The following ABCC5 variants were observed in gnomAD, a reference collection of about 807,000 sequenced individuals.
The protein encoded by ABCC5 is ATP binding cassette subfamily C member 5.
In ABCC5, 61 loss-of-function variants were observed where a neutral mutation model predicts 160.9. The observed-to-expected ratio is 0.38, with a 90% confidence interval of 0.31 to 0.47. The LOEUF (loss-of-function observed/expected upper bound fraction) is 0.47, where lower values mean the gene tolerates loss of function less well. Ranked by LOEUF, ABCC5 falls within the 20% of genes least tolerant of loss-of-function variation. The pLI is 0.99. For synonymous variants in ABCC5, 666 were observed against 700.6 expected, an observed-to-expected ratio of 0.95 and a Z score of 0.78; for missense variants, 1,308 against 1,813.3, an observed-to-expected ratio of 0.72 and a Z score of 5.06.
intron 8 of ABCC5, 78 bp from the exon 9 acceptor site, chr3:183,978,729 ACT>A: frequency 6.6e-7 from 1 of 1,513,116 alleles, no homozygotes; most frequent in Non-Finnish European, 8.9e-7. Flanking sequence ...TCCAAACAAG[ACT>A]CTGTAGGTCT....
At chr3:183,934,336 T>A (rs1713477918) in intron 26 of ABCC5, among the ~76,000 whole-genome samples, 2 of 152,144 alleles carry the variant, frequency 1.3e-5, no homozygotes. Context: ...CTGGGATCCG[T>A]AACAAACCTG....
chr3:183,993,156 G>C (rs1719928283), intron 2 of ABCC5, among the ~76,000 whole-genome samples: 1 of 152,160 alleles, frequency 6.6e-6, no homozygotes, highest in Non-Finnish European at 1.5e-5. Context: ...TTTGCAATGA[G>C]AGTCTACAAT....
intron 2 of ABCC5, among the ~76,000 whole-genome samples, chr3:184,004,121 A>C (rs1720972692): frequency 6.6e-6 from 1 of 151,936 alleles, no homozygotes; most frequent in Admixed American, 6.6e-5. Flanking sequence ...TTTAACATTC[A>C]GCCTGGCCTG....
intron 11 of ABCC5, 68 bp downstream of exon 11, chr3:183,971,495 G>A (rs963455324): frequency 2.1e-5 from 30 of 1,419,312 alleles, no homozygotes; most frequent in African/African-American, 7.2e-5. Flanking sequence ...AACAGCAGCC[G>A]CCTATTGGTG....
At chr3:183,950,266 T>G in intron 20 of ABCC5, 141 bp from the exon 21 acceptor site, 2 of 1,019,072 alleles carry the variant, frequency 2.0e-6, no homozygotes, top group Non-Finnish European at 2.7e-6. Context: ...AAAGAAAAAT[T>G]TAGAAACCTG....
intron 17 of ABCC5, among the ~76,000 whole-genome samples, chr3:183,958,698 A>G (rs544381356): frequency 8.6e-5 from 13 of 151,182 alleles, no homozygotes; most frequent in Admixed American, 4.6e-4. Flanking sequence ...CCCAGGCTGG[A>G]GCGCAGTGGC....
At chr3:183,929,607 G>C (rs1216973985) in intron 26 of ABCC5, among the ~76,000 whole-genome samples, 1 of 152,116 alleles carries the variant, frequency 6.6e-6, no homozygotes, top group African/African-American at 2.4e-5. Context: ...AGAGGAAGAA[G>C]GAGAGAAAGA....
chr3:183,994,263 T>C (rs956440443), intron 2 of ABCC5, among the ~76,000 whole-genome samples: 1 of 152,234 alleles, frequency 6.6e-6, no homozygotes, highest in African/African-American at 2.4e-5. Context: ...TTATTTATGA[T>C]TCAAATATTA....
rs960419786 is a variant in ABCC5 at position 183,920,868 on chromosome 3, T to C, written c.*432A>G. 8.5e-5 allele frequency: 13 copies of C among 152,940 alleles called. No individual in the cohort carries two copies. The highest frequency in any genetic ancestry group is 2.9e-4 in the African/African-American group (12 of 41,570). The allele number at this position is 152,940 out of a possible 1,614,324, so 9.5% of individuals were successfully genotyped here. Reference sequence around the variant, plus strand: ...CAGTCTAATAGCAAAACCAGATCTCTAGTACAGCAAACTGTACAAAAATGA... The same window carrying C: ...CAGTCTAATAGCAAAACCAGATCTCCAGTACAGCAAACTGTACAAAAATGA... On this transcript the variant is annotated 3_prime_UTR_variant, in exon 30 of 30. Transcript: ENST00000334444. This position sits in a 1 kb window ranked among gnomAD's most constrained non-coding sequence, Gnocchi z 4.1.
chr3:183,934,350 G>A (rs948262950), intron 26 of ABCC5, among the ~76,000 whole-genome samples: 2 of 152,178 alleles, frequency 1.3e-5, no homozygotes, highest in East Asian at 1.9e-4. Flanking sequence ...AAACCTGAGA[G>A]GATAAAAGGA....
At chr3:183,968,483 A>G (rs1717432543) in intron 11 of ABCC5, among the ~76,000 whole-genome samples, 2 of 152,176 alleles carry the variant, frequency 1.3e-5, no homozygotes, top group African/African-American at 4.8e-5. Flanking sequence ...TCATTTTATT[A>G]TGATTTTTCT....
At chr3:183,997,556 A>G (rs192965232) in intron 2 of ABCC5, among the ~76,000 whole-genome samples, 27 of 151,960 alleles carry the variant, frequency 1.8e-4, no homozygotes, top group Middle Eastern at 3.2e-3. Flanking sequence ...CCACAGCCCA[A>G]TGCTTCTGGT....
At chr3:183,986,623 A>G (rs1384932480) in intron 5 of ABCC5, 1 of 152,208 alleles carries the variant, frequency 6.6e-6, no homozygotes, top group Non-Finnish European at 1.5e-5. Flanking sequence ...AAGAAAGCCC[A>G]TGATCACTTT....
rs1042802337 is a variant in ABCC5, at chr3:183,920,996, A to G, written c.*304T>C. 4.5e-6 allele frequency: 1 copy of G among 221,350 alleles called. No homozygotes were observed. Among genetic ancestry groups the G allele is most frequent in the African/African-American group, 2.3e-5 (1 of 43,968 alleles). 13.7% of individuals were successfully genotyped at this position (221,350 alleles called of 1,614,324 possible). On this transcript the variant is annotated 3_prime_UTR_variant, in exon 30 of 30. Coordinates refer to ENST00000334444, the MANE Select transcript of ABCC5 (RefSeq NM_005688.4). The surrounding 1 kb of genome is among the most constrained non-coding windows in gnomAD (Gnocchi z 4.1). ...ATAGGCTATGTACAGAATTATATAT[A>G]GATATAGCTACACGTATAAAGCTTC...
rs1047228883 is a variant in ABCC5 at position 183,947,183 on chromosome 3, C to G, written c.3414+141G>C. 42 of 911,536 alleles carry G rather than the reference C, an allele frequency of 4.6e-5. No individual in the cohort carries two copies. In the African/African-American group the frequency reaches 6.9e-4, roughly 15 times the overall value. 56.5% of individuals were successfully genotyped at this position (911,536 alleles called of 1,614,324 possible). A position where few individuals can be genotyped will look rare whatever the true frequency, so the allele number is the denominator to read the frequency against. The stretch of plus-strand genomic sequence containing the variant: ...CCAGTCAAATCCAGATTGTTACGGT[C>G]AAATCAGACCATGAGCAATTCTAGG... On this transcript the variant is annotated intron_variant, in intron 23 of 29. Coordinates refer to ENST00000334444, the MANE Select transcript of ABCC5 (RefSeq NM_005688.4).
rs1309093405 is a variant in ABCC5, at chr3:183,939,163, T to C, written c.3695-1103A>G. ...TTAACACTGCATTGGCCGGGCACGG[T>C]GGCTCATGCCTGTAATCCCAGCACT... On this transcript the variant is annotated intron_variant, in intron 25 of 29. Coordinates refer to ENST00000334444, the MANE Select transcript of ABCC5 (RefSeq NM_005688.4). Among the ~76,000 whole-genome samples the C allele has an allele frequency of 2.0e-5, 3 of 152,256 alleles. No homozygotes were observed. In the East Asian group the frequency reaches 5.8e-4, roughly 29 times the overall value.
Position 183,949,654 on chromosome 3 carries a change from T to A in ABCC5, c.3227+99A>T, listed in dbSNP as rs1715161099. On this transcript the variant is annotated intron_variant, in intron 22 of 29. Coordinates refer to ENST00000334444, the MANE Select transcript of ABCC5 (RefSeq NM_005688.4). This position sits in a 1 kb window ranked among gnomAD's most constrained non-coding sequence, Gnocchi z 4.2. The stretch of plus-strand genomic sequence containing the variant: ...CATGAATACCCTTGGTAATGAGGTT[T>A]ATAATCCCCATCTCTGGCCTTGAAG... 2 of 1,446,798 alleles carry A rather than the reference T, an allele frequency of 1.4e-6. No individual in the cohort carries two copies. Among genetic ancestry groups the A allele is most frequent in the Admixed American group, 2.1e-5 (1 of 46,822 alleles). 89.6% of individuals were successfully genotyped at this position (1,446,798 alleles called of 1,614,324 possible).
At chr3:183,932,633 T>C (rs1713285239) in intron 26 of ABCC5, among the ~76,000 whole-genome samples, 2 of 152,164 alleles carry the variant, frequency 1.3e-5, no homozygotes, top group Non-Finnish European at 2.9e-5. Flanking sequence ...GGCAAATTAC[T>C]CTCACTCTCT....
chr3:183,947,178 A>T, intron 23 of ABCC5, 146 bp downstream of exon 23: 1 of 837,476 alleles, frequency 1.2e-6, no homozygotes, highest in Non-Finnish European at 1.7e-6. Flanking sequence ...CCAGATTGTT[A>T]CGGTCAAATC....
Sources: gnomAD v4.1 joint callset for allele counts (sites outside exome capture counted in the v4.1 genomes callset) on GRCh38, gnomAD v4.1.1 for gene constraint, Gnocchi (gnomAD v3.1) non-coding constraint, MANE v1.5 for transcripts, NCBI Gene and HGNC (gene_info 2026-07-23, HGNC 2026-07-21) for gene names.